The following CSMD2 variants were observed in gnomAD, a reference collection of about 807,000 sequenced individuals.
CSMD2 encodes CUB and Sushi multiple domains 2, also known as CUB and sushi domain-containing protein 2.
CSMD2 carries 130 observed loss-of-function variants against 398.5 expected under a neutral mutation model. The observed-to-expected ratio is 0.33, with a 90% confidence interval of 0.28 to 0.38. The LOEUF (loss-of-function observed/expected upper bound fraction) is 0.38. CSMD2 is among the 10% of genes least tolerant of loss of function. The pLI is 1.00. For missense variants in CSMD2, 3,829 were observed against 4,764.9 expected (o/e 0.80, Z 5.78); for synonymous variants, 1,828 against 1,908.5 (o/e 0.96, Z 1.10).
intron 65 of CSMD2, 113 bp downstream of exon 65, chr1:33,527,083 T>C: frequency 1.0e-6 from 1 of 965,626 alleles, no homozygotes; most frequent in Non-Finnish European, 1.7e-6. Flanking sequence ...TATAGATAGT[T>C]TTCATGCCCT....
At chr1:33,544,790 G>A (rs1277877882) in intron 57 of CSMD2, among the ~76,000 whole-genome samples, 1 of 151,178 alleles carries the variant, frequency 6.6e-6, no homozygotes, top group Non-Finnish European at 1.5e-5. Flanking sequence ...TTGTACTTGA[G>A]TGATGGACAC....
chr1:33,601,431 T>C (rs1204936523), intron 43 of CSMD2, among the ~76,000 whole-genome samples: 1 of 152,188 alleles, frequency 6.6e-6, no homozygotes, highest in East Asian at 1.9e-4. Context: ...ATACCCACAA[T>C]GCCTTTTGGG....
At chr1:33,901,433 G>A (rs1183580401) in intron 5 of CSMD2, among the ~76,000 whole-genome samples, 1 of 152,204 alleles carries the variant, frequency 6.6e-6, no homozygotes, top group Non-Finnish European at 1.5e-5. Context: ...AGAGATGATG[G>A]GCCAAGTCCA....
At chr1:33,540,463 G>A (rs921467011) in intron 60 of CSMD2, 62 bp downstream of exon 60, 30 of 1,569,558 alleles carry the variant, frequency 1.9e-5, no homozygotes, top group Admixed American at 3.4e-5. Context: ...ACAAAGCTCC[G>A]AGGAGGCAAG....
intron 13 of CSMD2, among the ~76,000 whole-genome samples, chr1:33,759,014 A>G (rs1649428418): frequency 6.6e-6 from 1 of 152,230 alleles, no homozygotes; most frequent in Non-Finnish European, 1.5e-5. Context: ...GTTTCAAGTC[A>G]TTGAGAGTTT....
chr1:33,536,151 C>T lies in CSMD2; in HGVS notation c.9879+871G>A, dbSNP rs555320887. On this transcript the variant is annotated intron_variant, in intron 62 of 70. Transcript: ENST00000373381. ...CCAGCCTGTCATGTCCAGGTGAGTC[C>T]GATATTTTCCTGGGCAAGTCCTGGA... is the stretch of plus-strand genomic sequence containing the variant. Among the ~76,000 whole-genome samples the T allele has an allele frequency of 2.0e-4, 31 of 152,222 alleles. No individual in the cohort carries two copies. The South Asian group carries it at 5.6e-3, about 28-fold the overall frequency.
Position 33,569,472 on chromosome 1 carries a change from G to C in CSMD2, c.8033C>G (p.Ala2678Gly). The C allele has an allele frequency of 6.2e-7, 1 of 1,614,214 alleles. No individual in the cohort carries two copies. ...GTATCCGGAATTGCAGGAGAAGATGGCTGTTGCCCCGTAGACAGACAGTGT... is the reference window on the plus strand; with the variant it reads ...GTATCCGGAATTGCAGGAGAAGATGCCTGTTGCCCCGTAGACAGACAGTGT... ...IGTLSVYGAT[A>G]IFSCNSGYTL... The change falls in exon 52 of 71, where the codon GCC becomes GGC. Residue 2678 changes from alanine to glycine, a missense_variant. Coordinates refer to ENST00000373381, the MANE Select transcript of CSMD2 (RefSeq NM_001281956.2).
chr1:33,781,179 G>A (rs1036185499), intron 12 of CSMD2, among the ~76,000 whole-genome samples: 3 of 152,180 alleles, frequency 2.0e-5, no homozygotes, highest in African/African-American at 7.2e-5. Flanking sequence ...TTTTTACTGA[G>A]GTTTTAGCCT....
intron 2 of CSMD2, among the ~76,000 whole-genome samples, chr1:34,047,432 C>T (rs1478530432): frequency 6.6e-6 from 1 of 152,204 alleles, no homozygotes; most frequent in Non-Finnish European, 1.5e-5. Flanking sequence ...TCCTCCCCTC[C>T]TGTCCCATTT....
chr1:33,975,398 G>T (rs570845704), intron 3 of CSMD2, among the ~76,000 whole-genome samples: 2 of 151,884 alleles, frequency 1.3e-5, no homozygotes, highest in Non-Finnish European at 2.9e-5. Context: ...CAGTATCAGG[G>T]ACATAATACA....
chr1:33,570,611 T>C (rs1659510323), intron 51 of CSMD2, among the ~76,000 whole-genome samples: 1 of 152,154 alleles, frequency 6.6e-6, no homozygotes, highest in South Asian at 2.1e-4. Flanking sequence ...ATCCCTATCG[T>C]AGTGCATGCT....
At chr1:33,778,707 A>C (rs976980186) in intron 12 of CSMD2, among the ~76,000 whole-genome samples, 1 of 152,178 alleles carries the variant, frequency 6.6e-6, no homozygotes, top group Non-Finnish European at 1.5e-5. Context: ...CCCCTGGAGA[A>C]CTCAGGGTCA....
At chr1:33,872,868 G>T (rs1367103383) in intron 5 of CSMD2, among the ~76,000 whole-genome samples, 1 of 152,202 alleles carries the variant, frequency 6.6e-6, no homozygotes, top group East Asian at 1.9e-4. Context: ...GTGGAGCTAA[G>T]AGTCATGGAG....
chr1:33,774,483 G>A (rs1029935795), intron 12 of CSMD2, among the ~76,000 whole-genome samples: 2 of 152,102 alleles, frequency 1.3e-5, no homozygotes, highest in Non-Finnish European at 2.9e-5. Flanking sequence ...CAAGCAGCAG[G>A]ACCCACCTGC....
intron 5 of CSMD2, among the ~76,000 whole-genome samples, chr1:33,913,852 T>G (rs899591321): frequency 1.3e-5 from 2 of 151,968 alleles, no homozygotes; most frequent in Admixed American, 6.6e-5. Flanking sequence ...TGGAGAGTGT[T>G]GGGTATGAGA....
intron 70 of CSMD2, among the ~76,000 whole-genome samples, chr1:33,517,000 A>G (rs1319197425): frequency 6.6e-6 from 1 of 152,000 alleles, no homozygotes; most frequent in African/African-American, 2.4e-5. Context: ...GTGAAATCTC[A>G]TTTTTGATAC....
chr1:33,724,027 C>T (rs1177808457), intron 19 of CSMD2, among the ~76,000 whole-genome samples, 170 bp downstream of exon 19: 1 of 152,176 alleles, frequency 6.6e-6, no homozygotes, highest in Non-Finnish European at 1.5e-5. Flanking sequence ...CAAGTTCTAC[C>T]ATTCAAAGGG....
Position 33,924,368 on chromosome 1 carries a change from T to A in CSMD2, c.713-6067A>T, listed in dbSNP as rs74756665. 3.1e-3 allele frequency among the ~76,000 whole-genome samples: 465 copies of A among 152,296 alleles called. 3 individuals carry two copies. The highest frequency in any genetic ancestry group is 9.6e-3 in the African/African-American group (398 of 41,568). On this transcript the variant is annotated intron_variant, in intron 4 of 70. Transcript: ENST00000373381. ...TCATTTTTTAACATCTGAGTAGTAT[T>A]CCACCATGTATGTGTATACCACATA... is the stretch of plus-strand genomic sequence containing the variant.
chr1:33,707,525 T>C (rs992277978), intron 22 of CSMD2, among the ~76,000 whole-genome samples: 4 of 152,198 alleles, frequency 2.6e-5, no homozygotes, highest in Non-Finnish European at 4.4e-5. Context: ...ACTGTTTTTA[T>C]GTGGGGTTGG....
Sources: allele counts gnomAD v4.1 joint callset (sites outside exome capture counted in the v4.1 genomes callset), GRCh38; gene constraint gnomAD v4.1.1; transcripts MANE v1.5; gene names NCBI Gene and HGNC (gene_info 2026-07-23, HGNC 2026-07-21).